Variants in MTF1 observed in about 807,000 individuals in gnomAD.
MTF1 encodes metal regulatory transcription factor 1.
MTF1 carries 22 observed loss-of-function variants against 70.4 expected under a neutral mutation model. That is an observed-to-expected ratio of 0.31 (90% CI 0.22 to 0.45). The LOEUF (loss-of-function observed/expected upper bound fraction) is 0.45, where lower values mean the gene tolerates loss of function less well. MTF1 is among the 20% of genes least tolerant of loss of function. MTF1 has a pLI of 1.00. For missense variants in MTF1, 649 were observed against 922.0 expected (o/e 0.70, Z 3.83); for synonymous variants, 333 against 352.8 (o/e 0.94, Z 0.63).
chr1:37,822,992 T>C (rs886300454), intron 8 of MTF1, among the ~76,000 whole-genome samples: 1 of 152,214 alleles, frequency 6.6e-6, no homozygotes, highest in Non-Finnish European at 1.5e-5. Context: ...AGACTAAACA[T>C]CCTTTTTTTG....
Position 37,838,386 on chromosome 1 carries a change from G to C in MTF1, c.779+239C>G, listed in dbSNP as rs1641202522. On this transcript the variant is annotated intron_variant, in intron 4 of 10. Coordinates refer to ENST00000373036, the MANE Select transcript of MTF1 (RefSeq NM_005955.3). ...ACTGAGTTTCAACAAATGCTTCTTG[G>C]AAATAAATGGGAAAAAATGAGGCAG... is the stretch of plus-strand genomic sequence containing the variant. Among the ~76,000 whole-genome samples, 9 of 152,256 alleles carry C rather than the reference G, an allele frequency of 5.9e-5. No individual in the cohort carries two copies. The South Asian group carries it at 1.9e-3, about 32-fold the overall frequency.
At chr1:37,821,203 A>G (rs915834005) in intron 9 of MTF1, among the ~76,000 whole-genome samples, 9 of 151,642 alleles carry the variant, frequency 5.9e-5, no homozygotes, top group Non-Finnish European at 1.5e-5. Flanking sequence ...AGGAGAAACT[A>G]GGGGTGGGGA....
At position 37,838,795 on chromosome 1, in the gene MTF1, T is replaced by C. The variant is rs202097820; in HGVS notation, c.648-39A>G. 218 of 1,309,416 alleles carry C rather than the reference T, an allele frequency of 1.7e-4. 4 individuals carry two copies. In the African/African-American group the frequency reaches 2.9e-3, roughly 17 times the overall value. The allele number at this position is 1,309,416 out of a possible 1,614,324, so 81.1% of individuals were successfully genotyped here. A position where few individuals can be genotyped will look rare whatever the true frequency, so the allele number is the denominator to read the frequency against. ...CAGAAAAATTCCCTTTGTCATAAAA[T>C]TCTTTTTTTTTTTTTTTTTTTTTTC... On this transcript the variant is annotated intron_variant, in intron 3 of 10. Coordinates refer to ENST00000373036, the MANE Select transcript of MTF1 (RefSeq NM_005955.3).
At chr1:37,850,557 GGA>G (rs1023086947) in intron 2 of MTF1, among the ~76,000 whole-genome samples, 1 of 149,608 alleles carries the variant, frequency 6.7e-6, no homozygotes, top group African/African-American at 2.5e-5. Context: ...GAAAAAAAAG[GGA>G]GAGAGAAAGA....
In MTF1 at chr1:37,833,006, C is replaced by CA. The variant is rs1173963055; in HGVS notation, c.991-685dup. 2.3e-3 allele frequency among the ~76,000 whole-genome samples: 301 copies of CA among 129,172 alleles called. 1 individual carries two copies. The highest frequency in any genetic ancestry group is 5.2e-3 in the Admixed American group (66 of 12,692). The allele number at this position is 129,172 out of a possible 152,430, so 84.7% of individuals were successfully genotyped here. ...GGGCGACAAGAGTGAGACTCTGTCT[C>CA]AAAAAAAAAAAAATAATAATAATAA... On this transcript the variant is annotated intron_variant, in intron 6 of 10. Coordinates refer to ENST00000373036, the MANE Select transcript of MTF1 (RefSeq NM_005955.3).
chr1:37,849,761 C>T (rs1641386627), intron 2 of MTF1, among the ~76,000 whole-genome samples: 1 of 152,054 alleles, frequency 6.6e-6, no homozygotes, highest in African/African-American at 2.4e-5. Context: ...GTAGCTCATG[C>T]CTTTAATCCC....
intron 2 of MTF1, among the ~76,000 whole-genome samples, chr1:37,847,167 C>G (rs1391751438): frequency 1.3e-5 from 2 of 152,192 alleles, no homozygotes; most frequent in African/African-American, 2.4e-5. Context: ...AAACCTTTAC[C>G]CTTACAGAAC....
chr1:37,828,118 T>C, intron 7 of MTF1: 1 of 385,972 alleles, frequency 2.6e-6, no homozygotes, highest in Non-Finnish European at 5.0e-6. Context: ...AAACATAATG[T>C]TATGAGAAGA....
intron 1 of MTF1, among the ~76,000 whole-genome samples, chr1:37,857,922 A>C (rs1641524276): frequency 6.6e-6 from 1 of 151,878 alleles, no homozygotes; most frequent in African/African-American, 2.4e-5. Context: ...CACACCTGTA[A>C]TCCCAACACT....
chr1:37,850,730 T>G (rs1405995607), intron 2 of MTF1, among the ~76,000 whole-genome samples: 1 of 152,172 alleles, frequency 6.6e-6, no homozygotes, highest in East Asian at 1.9e-4. Context: ...TGGTTTATTT[T>G]TTGCGCAAGA....
At chr1:37,823,488 T>G (rs1640950594) in intron 8 of MTF1, among the ~76,000 whole-genome samples, 1 of 152,072 alleles carries the variant, frequency 6.6e-6, no homozygotes, top group Non-Finnish European at 1.5e-5. Flanking sequence ...CCTCCCCATT[T>G]TGGTGGTTTT....
At chr1:37,857,793 CACTT>C (rs2148425833) in intron 1 of MTF1, 84 bp from the exon 2 acceptor site, 2 of 768,320 alleles carry the variant, frequency 2.6e-6, no homozygotes, top group East Asian at 5.3e-5. Flanking sequence ...TTTTCCCTCT[CACTT>C]AAAGAGCAAG....
chr1:37,856,151 T>C (rs1346322716), intron 2 of MTF1, among the ~76,000 whole-genome samples: 2 of 150,898 alleles, frequency 1.3e-5, no homozygotes, highest in Non-Finnish European at 2.9e-5. Context: ...TCTCATTTAC[T>C]GTCTCTTGCC....
In MTF1 at chr1:37,832,282, A is replaced by C. The variant is rs1641098541; in HGVS notation, c.1031T>G (p.Leu344Arg). The stretch of plus-strand genomic sequence containing the variant: ...TTCTCGCAATTCAGAATCTGTGGAC[A>C]GAAGGCTCAAGTCACTTAGACAAAG... Reference protein sequence around the residue: ...HSLCLSDLSLLSTDSELRENS... With the variant: ...HSLCLSDLSLRSTDSELRENS... Residue 344 changes from leucine to arginine, a missense_variant, in exon 7 of 11, where the codon CTG becomes CGG. Around this residue, in one of 7 missense-constraint regions of MTF1, gnomAD observed 267 missense variants for 292.1 expected, o/e 0.91. Transcript: ENST00000373036. 1 of 1,613,654 alleles carries C rather than the reference A, an allele frequency of 6.2e-7. No homozygotes were observed. The highest frequency in any genetic ancestry group is 1.1e-5 in the South Asian group (1 of 91,034).
rs542027116 is a variant in MTF1, at chr1:37,810,975, T to C, written c.*4161A>G. Reference sequence around the variant, plus strand: ...ATTTCTGATTGGTGGTGTAAGACAATTGTAAACTCTTGAGAAATATTGTTG... The same window carrying C: ...ATTTCTGATTGGTGGTGTAAGACAACTGTAAACTCTTGAGAAATATTGTTG... On this transcript the variant is annotated 3_prime_UTR_variant, in exon 11 of 11. Transcript: ENST00000373036. The C allele has an allele frequency of 1.3e-5, 2 of 152,722 alleles. No homozygotes were observed. Among genetic ancestry groups the C allele is most frequent in the Admixed American group, 6.5e-5 (1 of 15,292 alleles). 9.5% of individuals were successfully genotyped at this position (152,722 alleles called of 1,614,324 possible). A position where few individuals can be genotyped will look rare whatever the true frequency, so the allele number is the denominator to read the frequency against.
At chr1:37,826,058 C>T (rs1640997407) in intron 7 of MTF1, among the ~76,000 whole-genome samples, 1 of 152,162 alleles carries the variant, frequency 6.6e-6, no homozygotes, top group Non-Finnish European at 1.5e-5. Context: ...TTGAAAATAA[C>T]TTAAACACAC....
intron 2 of MTF1, among the ~76,000 whole-genome samples, chr1:37,851,293 G>A (rs1266040580): frequency 6.6e-6 from 1 of 152,194 alleles, no homozygotes; most frequent in Non-Finnish European, 1.5e-5. Flanking sequence ...AAAGTGGAGT[G>A]AGCTAAATCC....
Position 37,840,352 on chromosome 1 carries a change from T to C in MTF1, c.409-194A>G, listed in dbSNP as rs561573802. ...CAAATCATACCTGGACAACACATAA[T>C]GATTTATGGGGAAGAAATAAGTCTA... On this transcript the variant is annotated intron_variant, in intron 2 of 10. Coordinates refer to ENST00000373036, the MANE Select transcript of MTF1 (RefSeq NM_005955.3). The surrounding 1 kb of genome is among the most constrained non-coding windows in gnomAD (Gnocchi z 4.5). The C allele has an allele frequency of 4.9e-6, 3 of 608,088 alleles. No homozygotes were observed. Among genetic ancestry groups the C allele is most frequent in the East Asian group, 2.8e-5 (1 of 35,220 alleles). The allele number at this position is 608,088 out of a possible 1,614,324, so 37.7% of individuals were successfully genotyped here. A position where few individuals can be genotyped will look rare whatever the true frequency, so the allele number is the denominator to read the frequency against.
intron 2 of MTF1, among the ~76,000 whole-genome samples, chr1:37,845,381 G>A (rs994714107): frequency 3.3e-5 from 5 of 152,084 alleles, no homozygotes; most frequent in Non-Finnish European, 5.9e-5. Context: ...GAGAAAGTGA[G>A]ACAATGAATA....
Sources: gnomAD v4.1 joint callset for allele counts (sites outside exome capture counted in the v4.1 genomes callset) on GRCh38, gnomAD v4.1.1 for gene constraint, gnomAD v4.1.1 regional missense constraint, Gnocchi (gnomAD v3.1) non-coding constraint, MANE v1.5 for transcripts, NCBI Gene and HGNC (gene_info 2026-07-23, HGNC 2026-07-21) for gene names.